SPTLC3: variants seen among roughly 807,000 people sequenced by gnomAD.
SPTLC3 encodes the protein serine palmitoyltransferase long chain base subunit 3.
In SPTLC3, 36 loss-of-function variants were observed where a neutral mutation model predicts 59.3. That is an observed-to-expected ratio of 0.61 (90% confidence interval 0.47 to 0.80). The LOEUF is 0.80. Among genes scored for constraint, SPTLC3 ranks in the 30% least tolerant of loss-of-function variants. The pLI is 0.00. For missense variants in SPTLC3, 625 were observed against 685.1 expected (o/e 0.91, Z 0.98); for synonymous variants, 257 against 240.8 (o/e 1.07, Z -0.62).
intron 6 of SPTLC3, among the ~76,000 whole-genome samples, chr20:13,108,581 T>C (rs1387794220): frequency 1.3e-5 from 2 of 152,226 alleles, no homozygotes; most frequent in African/African-American, 4.8e-5. Context: ...ATTTATCTTT[T>C]TTTTTCACTT....
Position 13,093,524 on chromosome 20 carries a change from T to C in SPTLC3, c.773T>C (p.Leu258Pro). Residue 258 changes from leucine to proline, a missense_variant, in exon 6 of 12, where the codon CTT becomes CCT. Leu to Pro is a moderately conservative substitution (Grantham distance 98). Coordinates refer to ENST00000399002, the MANE Select transcript of SPTLC3 (RefSeq NM_018327.4). ...ILSDELNHTS[L>P]VLGARLSGAT... is the part of the protein sequence containing the mutation. ...AGTGATGAGTTAAACCACACATCGC[T>C]TGTGCTTGGGGCCCGACTCTCAGGT... 6.2e-7 allele frequency: 1 copy of C among 1,613,652 alleles called. No homozygotes were observed. The highest frequency in any genetic ancestry group is 8.5e-7 in the Non-Finnish European group (1 of 1,179,596).
At chr20:13,104,911 C>CA (rs138546130) in intron 6 of SPTLC3, among the ~76,000 whole-genome samples, 10,441 of 151,768 alleles carry the variant, frequency 0.069, 383 homozygotes, top group South Asian at 0.11. Context: ...TTTTCATCTG[C>CA]AAAAAACAAA....
chr20:13,057,655 A>G (rs1987784174), intron 2 of SPTLC3, among the ~76,000 whole-genome samples: 1 of 152,224 alleles, frequency 6.6e-6, no homozygotes, highest in Non-Finnish European at 1.5e-5. Flanking sequence ...GACAGCACTA[A>G]AAAGCTCAAG....
chr20:13,122,023 G>A (rs1383945669), intron 8 of SPTLC3, among the ~76,000 whole-genome samples: 3 of 152,168 alleles, frequency 2.0e-5, no homozygotes, highest in Non-Finnish European at 4.4e-5. Context: ...ATCTTTGTCA[G>A]TGATGGTCCC....
intron 9 of SPTLC3, among the ~76,000 whole-genome samples, chr20:13,136,433 C>A (rs922313792): frequency 1.3e-5 from 2 of 151,550 alleles, no homozygotes; most frequent in Non-Finnish European, 2.9e-5. Context: ...CCTGTCTCTA[C>A]CAAAACATAC....
intron 1 of SPTLC3, among the ~76,000 whole-genome samples, chr20:13,018,444 G>C (rs948947880): frequency 6.6e-6 from 1 of 152,156 alleles, no homozygotes; most frequent in Admixed American, 6.6e-5. Flanking sequence ...CCAGAGATGA[G>C]TGTCCGGCTG....
intron 8 of SPTLC3, among the ~76,000 whole-genome samples, chr20:13,118,030 C>T (rs925412767): frequency 1.3e-5 from 2 of 152,046 alleles, no homozygotes; most frequent in African/African-American, 4.8e-5. Context: ...GTATCTAGGA[C>T]ATGGTTTAGA....
chr20:13,053,182 G>A (rs1461163205), intron 2 of SPTLC3, among the ~76,000 whole-genome samples: 2 of 152,140 alleles, frequency 1.3e-5, no homozygotes, highest in Non-Finnish European at 2.9e-5. Context: ...CTGGGATGAA[G>A]CTTCCAGAGG....
At chr20:13,107,679 G>A (rs377349696) in intron 6 of SPTLC3, among the ~76,000 whole-genome samples, 51 of 152,036 alleles carry the variant, frequency 3.4e-4, no homozygotes, top group African/African-American at 1.2e-3. Flanking sequence ...GGGTCCTTAC[G>A]ATCTTGGTGA....
intron 1 of SPTLC3, among the ~76,000 whole-genome samples, chr20:13,010,674 C>A (rs1351834943): frequency 6.6e-6 from 1 of 152,176 alleles, no homozygotes; most frequent in African/African-American, 2.4e-5. Flanking sequence ...ACTTATGCAT[C>A]ACTAAATATC....
chr20:13,086,421 A>G (rs1989006721), intron 4 of SPTLC3, among the ~76,000 whole-genome samples: 1 of 152,238 alleles, frequency 6.6e-6, no homozygotes, highest in South Asian at 2.1e-4. Flanking sequence ...TTTCAAAGGC[A>G]TGACTTCCTG....
chr20:13,154,764 AG>A lies in SPTLC3; in HGVS notation c.1415+627del, dbSNP rs1424528565. Among the ~76,000 whole-genome samples, 26 of 152,344 alleles carry A rather than the reference AG, an allele frequency of 1.7e-4. No individual in the cohort carries two copies. The South Asian group carries it at 5.0e-3, about 29-fold the overall frequency. The stretch of plus-strand genomic sequence containing the variant: ...TTGATTGCAACTTTGAAACAGCATT[AG>A]CAACAACTGCATAAAGAGGAAAACA... On this transcript the variant is annotated intron_variant, in intron 10 of 11. Coordinates refer to ENST00000399002, the MANE Select transcript of SPTLC3 (RefSeq NM_018327.4).
chr20:13,160,729 G>C (rs77633555), intron 11 of SPTLC3, among the ~76,000 whole-genome samples: 2,798 of 152,306 alleles, frequency 0.018, 54 homozygotes, highest in South Asian at 0.03. Flanking sequence ...ACTATTGAGA[G>C]TCAACTATGT....
intron 6 of SPTLC3, among the ~76,000 whole-genome samples, chr20:13,107,640 A>G (rs1989978459): frequency 6.6e-6 from 1 of 152,194 alleles, no homozygotes. Context: ...TAAAACAAAG[A>G]TCCACCATTC....
In SPTLC3 at chr20:13,146,036, C is replaced by A. The variant is rs545592896; in HGVS notation, c.1280-7967C>A. On this transcript the variant is annotated intron_variant, in intron 9 of 11. Transcript: ENST00000399002. The stretch of plus-strand genomic sequence containing the variant: ...ACATGGAATCAACCTAAATCCTTAT[C>A]AATGACAGACTGAATAAAGAAAATT... Among the ~76,000 whole-genome samples, 16 of 152,282 alleles carry A rather than the reference C, an allele frequency of 1.1e-4. 2 individuals are homozygous for A. The highest frequency in any genetic ancestry group is 3.9e-4 in the African/African-American group (16 of 41,558).
chr20:13,052,090 C>T (rs190637600), intron 2 of SPTLC3, among the ~76,000 whole-genome samples: 13 of 152,128 alleles, frequency 8.5e-5, no homozygotes, highest in Non-Finnish European at 1.3e-4. Flanking sequence ...GCAAGATGGC[C>T]GAACAGGAAC....
At chr20:13,024,828 T>G (rs2122403463) in intron 1 of SPTLC3, among the ~76,000 whole-genome samples, 1 of 152,310 alleles carries the variant, frequency 6.6e-6, no homozygotes, top group South Asian at 2.1e-4. Flanking sequence ...GCAGCTATTT[T>G]CCTCTTTGTC....
intron 9 of SPTLC3, among the ~76,000 whole-genome samples, chr20:13,145,111 C>A (rs1321204160): frequency 2.0e-5 from 3 of 151,920 alleles, no homozygotes; most frequent in Non-Finnish European, 4.4e-5. Flanking sequence ...TTCTAGAAAC[C>A]CTGATGTGTT....
intron 1 of SPTLC3, among the ~76,000 whole-genome samples, chr20:13,031,744 C>G (rs1352188177): frequency 6.6e-6 from 1 of 151,940 alleles, no homozygotes. Context: ...GTGTTTGCAG[C>G]TACTAGTATT....
Sources: gnomAD v4.1 joint callset for allele counts (sites outside exome capture counted in the v4.1 genomes callset) on GRCh38, gnomAD v4.1.1 for gene constraint, MANE v1.5 for transcripts, NCBI Gene and HGNC (gene_info 2026-07-23, HGNC 2026-07-21) for gene names.